The following IDE variants were observed in gnomAD, a reference collection of about 807,000 sequenced individuals.
The protein encoded by IDE is insulin degrading enzyme.
In IDE, 58 loss-of-function variants were observed where a neutral mutation model predicts 133.2. The ratio of observed to expected loss-of-function variants is 0.44; its 90% CI spans 0.35 to 0.54. The LOEUF (loss-of-function observed/expected upper bound fraction) is 0.54. IDE is among the 20% of genes least tolerant of loss of function. The probability of loss-of-function intolerance (pLI) is 0.00; values close to 1 mark genes in which losing one functional copy is unlikely to be tolerated. For synonymous variants in IDE, 396 were observed against 421.3 expected, an observed-to-expected ratio of 0.94 and a Z score of 0.73; for missense variants, 981 against 1,234.0, an observed-to-expected ratio of 0.79 and a Z score of 3.07.
chr10:92,505,293 TTCC>T (rs1848236600), intron 10 of IDE, among the ~76,000 whole-genome samples: 1 of 152,206 alleles, frequency 6.6e-6, no homozygotes. Flanking sequence ...TGAACAGAAT[TTCC>T]TCCTAAATTT....
Position 92,524,075 on chromosome 10 carries a change from G to C in IDE, c.661+7673C>G, listed in dbSNP as rs189550757. ...GTTTATCAGGAACTATGAAACTAAA[G>C]GCATATGTGAATAATGAAGAGAAAA... is the stretch of plus-strand genomic sequence containing the variant. On this transcript the variant is annotated intron_variant, in intron 4 of 24. Transcript: ENST00000265986. Among the ~76,000 whole-genome samples the C allele has an allele frequency of 7.5e-3, 1,137 of 151,376 alleles. 16 individuals carry two copies. The highest frequency in any genetic ancestry group is 0.026 in the African/African-American group (1,088 of 41,218).
intron 22 of IDE, among the ~76,000 whole-genome samples, chr10:92,458,486 C>A (rs1564588121): frequency 7.5e-6 from 1 of 133,518 alleles, no homozygotes; most frequent in East Asian, 2.3e-4. Flanking sequence ...TAAATACTCT[C>A]TCTGTTTTTT....
At chr10:92,538,892 G>A (rs992003020) in intron 1 of IDE, among the ~76,000 whole-genome samples, 1 of 151,926 alleles carries the variant, frequency 6.6e-6, no homozygotes, top group African/African-American at 2.4e-5. Flanking sequence ...AACCCTCTAT[G>A]AGCACATCTG....
chr10:92,508,287 T>C (rs930277284), intron 7 of IDE, 82 bp from the exon 8 acceptor site: 8 of 1,014,512 alleles, frequency 7.9e-6, no homozygotes, highest in Non-Finnish European at 1.1e-5. Context: ...AAATTCATAC[T>C]GTATGTTCCT....
intron 1 of IDE, chr10:92,573,043 A>C: frequency 1.0e-6 from 1 of 985,424 alleles, no homozygotes; most frequent in Non-Finnish European, 1.2e-6. Context: ...GCTGGCTATT[A>C]CTGATTAAAA....
intron 11 of IDE, 67 bp downstream of exon 11, chr10:92,504,727 A>G (rs928429228): frequency 3.6e-6 from 3 of 828,546 alleles, no homozygotes; most frequent in Non-Finnish European, 6.0e-6. Flanking sequence ...ACAATTTCAA[A>G]TTTTTTCAGA....
chr10:92,542,403 C>A (rs1045967310), intron 1 of IDE, among the ~76,000 whole-genome samples: 5 of 152,252 alleles, frequency 3.3e-5, no homozygotes, highest in African/African-American at 1.2e-4. Flanking sequence ...AATCCACCCG[C>A]CTTGGCCTCC....
chr10:92,529,336 G>C (rs961284913), intron 4 of IDE, among the ~76,000 whole-genome samples: 8 of 152,116 alleles, frequency 5.3e-5, no homozygotes, highest in African/African-American at 1.7e-4. Flanking sequence ...AAAATTCAAC[G>C]TAAGTTTATA....
chr10:92,484,254 T>C (rs1846819666), intron 13 of IDE, among the ~76,000 whole-genome samples: 1 of 151,670 alleles, frequency 6.6e-6, no homozygotes, highest in Non-Finnish European at 1.5e-5. Flanking sequence ...CTACTAATCA[T>C]ACAAAAATGA....
At chr10:92,467,092 T>C (rs7893352) in intron 19 of IDE, among the ~76,000 whole-genome samples, 5,352 of 152,124 alleles carry the variant, frequency 0.035, 356 homozygotes, top group African/African-American at 0.12. Context: ...CCTTTTCACT[T>C]GAGACAGTCT....
chr10:92,490,227 T>A (rs1157570520), intron 12 of IDE, among the ~76,000 whole-genome samples: 1 of 152,242 alleles, frequency 6.6e-6, no homozygotes, highest in Non-Finnish European at 1.5e-5. Context: ...CCTGTGCCCA[T>A]GTACTCTGCA....
At chr10:92,458,659 G>T (rs937699390) in intron 22 of IDE, among the ~76,000 whole-genome samples, 23 of 151,842 alleles carry the variant, frequency 1.5e-4, no homozygotes, top group African/African-American at 5.6e-4. Context: ...GCACCACCAC[G>T]CCTGGCTAAT....
At chr10:92,497,620 C>G (rs1179124973) in intron 11 of IDE, 2 of 430,630 alleles carry the variant, frequency 4.6e-6, no homozygotes, top group Non-Finnish European at 6.2e-6. Context: ...ATTTCCCTAC[C>G]TGGTTGCAAT....
At position 92,464,014 on chromosome 10, in the gene IDE, G is replaced by A. The variant is rs1271388397; in HGVS notation, c.2489-11C>T. The A allele has an allele frequency of 3.1e-6, 5 of 1,605,280 alleles. No individual in the cohort carries two copies. The highest frequency in any genetic ancestry group is 1.1e-5 in the South Asian group (1 of 90,746). On this transcript the variant is annotated splice_polypyrimidine_tract_variant and intron_variant, in intron 20 of 24. Transcript: ENST00000265986. ...TGAAGACGATATAGCCTGAAACACAGACATCAGCCAGTCATGACCGTGGCA... is the reference window on the plus strand; with the variant it reads ...TGAAGACGATATAGCCTGAAACACAAACATCAGCCAGTCATGACCGTGGCA...
At chr10:92,569,430 T>C (rs1362463390) in intron 1 of IDE, among the ~76,000 whole-genome samples, 1 of 152,226 alleles carries the variant, frequency 6.6e-6, no homozygotes, top group Admixed American at 6.5e-5. Flanking sequence ...AAGTCAGTTC[T>C]AAAACCTGTT....
chr10:92,494,699 A>G (rs1847583993), intron 11 of IDE, among the ~76,000 whole-genome samples: 1 of 152,250 alleles, frequency 6.6e-6, no homozygotes, highest in South Asian at 2.1e-4. Flanking sequence ...GACTTCAAGT[A>G]CATTTAAAAA....
chr10:92,489,308 T>C (rs1847207665), intron 12 of IDE, among the ~76,000 whole-genome samples: 2 of 152,096 alleles, frequency 1.3e-5, no homozygotes, highest in South Asian at 2.1e-4. Context: ...TCCCAGCACT[T>C]TGGGAGGCTG....
At chr10:92,558,967 G>A (rs1323804415) in intron 1 of IDE, 1 of 150,016 alleles carries the variant, frequency 6.7e-6, no homozygotes, top group Admixed American at 6.6e-5. Context: ...ATAGAAAAAG[G>A]ATCTGAGTAG....
chr10:92,490,732 G>A, intron 11 of IDE, 137 bp from the exon 12 acceptor site: 1 of 620,710 alleles, frequency 1.6e-6, no homozygotes. Flanking sequence ...ATCCTGTAAG[G>A]CTTAGTCCAA....
Sources: allele counts gnomAD v4.1 joint callset (sites outside exome capture counted in the v4.1 genomes callset), GRCh38; gene constraint gnomAD v4.1.1; transcripts MANE v1.5; gene names NCBI Gene and HGNC (gene_info 2026-07-23, HGNC 2026-07-21).